The following KALRN variants were observed in gnomAD, a reference collection of about 807,000 sequenced individuals.
KALRN encodes the protein kalirin.
A neutral mutation model predicts 353.7 loss-of-function variants in KALRN; 70 were observed. That is an observed-to-expected ratio of 0.20 (90% confidence interval 0.16 to 0.24). The LOEUF (loss-of-function observed/expected upper bound fraction) is 0.24, where lower values mean the gene tolerates loss of function less well. Among genes scored for constraint, KALRN ranks in the 10% least tolerant of loss-of-function variants. KALRN has a pLI of 1.00. For synonymous variants in KALRN, 1,391 were observed against 1,434.8 expected, an observed-to-expected ratio of 0.97 and a Z score of 0.69; for missense variants, 2,791 against 3,756.7, an observed-to-expected ratio of 0.74 and a Z score of 6.72.
chr3:124,379,238 A>G (rs928412322), intron 10 of KALRN, among the ~76,000 whole-genome samples: 3 of 152,056 alleles, frequency 2.0e-5, no homozygotes, highest in Admixed American at 2.0e-4. Context: ...TTTTTTAAAA[A>G]TTTTTTTATT....
intron 19 of KALRN, among the ~76,000 whole-genome samples, chr3:124,443,242 C>G (rs1424112142): frequency 6.6e-6 from 1 of 152,112 alleles, no homozygotes; most frequent in African/African-American, 2.4e-5. Context: ...AGAAATTAGC[C>G]TTTGAGTGAG....
intron 1 of KALRN, among the ~76,000 whole-genome samples, chr3:124,095,625 T>C (rs981602718): frequency 2.0e-5 from 3 of 152,230 alleles, no homozygotes; most frequent in Admixed American, 6.5e-5. Context: ...AAATCAGTTT[T>C]ATTTCTCAGG....
chr3:124,670,660 C>A (rs1347456151), intron 47 of KALRN, among the ~76,000 whole-genome samples: 1 of 152,202 alleles, frequency 6.6e-6, no homozygotes, highest in Admixed American at 6.5e-5. Flanking sequence ...CAGCTGTTAA[C>A]CCACTTAAAT....
chr3:124,374,866 C>T (rs954101099), intron 10 of KALRN, among the ~76,000 whole-genome samples: 6 of 152,210 alleles, frequency 3.9e-5, no homozygotes, highest in African/African-American at 1.2e-4. Context: ...CCAAACCTTG[C>T]AGCAGGCAGC....
At chr3:124,660,795 A>G in intron 43 of KALRN, 128 bp from the exon 44 acceptor site, 1 of 693,386 alleles carries the variant, frequency 1.4e-6, no homozygotes, top group East Asian at 2.6e-5. Context: ...GCTACTCTAC[A>G]CCATTGCCAC....
chr3:124,643,526 G>C (rs1264560529), intron 37 of KALRN, among the ~76,000 whole-genome samples: 1 of 152,190 alleles, frequency 6.6e-6, no homozygotes. Context: ...CTGTCGCCCA[G>C]ACTGGAGTGC....
chr3:124,134,565 A>G (rs1192137449), intron 1 of KALRN, among the ~76,000 whole-genome samples: 1 of 152,242 alleles, frequency 6.6e-6, no homozygotes, highest in Non-Finnish European at 1.5e-5. Context: ...TGGCAAAAGG[A>G]ACAGTCAGCA....
At chr3:124,260,022 T>C (rs1334253005) in intron 3 of KALRN, among the ~76,000 whole-genome samples, 1 of 152,148 alleles carries the variant, frequency 6.6e-6, no homozygotes, top group Non-Finnish European at 1.5e-5. Flanking sequence ...TACCCTTCAG[T>C]GCCTTTAGGA....
intron 50 of KALRN, 77 bp downstream of exon 50, chr3:124,678,390 G>T (rs962180251): frequency 4.1e-5 from 63 of 1,519,166 alleles, no homozygotes; most frequent in Admixed American, 3.9e-4. Context: ...AGCCAATTTG[G>T]GTGGATGGGT....
At chr3:124,122,822 G>T (rs991724696) in intron 1 of KALRN, among the ~76,000 whole-genome samples, 1 of 152,146 alleles carries the variant, frequency 6.6e-6, no homozygotes, top group Admixed American at 6.6e-5. Flanking sequence ...TGGCCTCTAA[G>T]TGTTCAAGTG....
intron 24 of KALRN, 94 bp from the exon 25 acceptor site, chr3:124,462,430 G>A (rs2059941289): frequency 1.4e-6 from 1 of 709,976 alleles, no homozygotes; most frequent in Admixed American, 2.3e-5. Flanking sequence ...TACAGTTTGA[G>A]TCTTGCCCCA....
At chr3:124,618,705 A>G (rs1308375645) in intron 34 of KALRN, among the ~76,000 whole-genome samples, 2 of 152,128 alleles carry the variant, frequency 1.3e-5, no homozygotes, top group Non-Finnish European at 2.9e-5. Flanking sequence ...GCCCTGATTT[A>G]TGGGGAAATT....
chr3:124,592,108 C>A (rs2075837689), intron 34 of KALRN, among the ~76,000 whole-genome samples: 1 of 152,034 alleles, frequency 6.6e-6, no homozygotes, highest in Non-Finnish European at 1.5e-5. Context: ...CAAGACCAGC[C>A]TGGCCAACAT....
intron 48 of KALRN, among the ~76,000 whole-genome samples, chr3:124,672,621 G>A (rs921008377): frequency 8.5e-5 from 13 of 152,146 alleles, no homozygotes; most frequent in African/African-American, 3.1e-4. Flanking sequence ...GTTTGTCGTC[G>A]ATAATCCACA....
intron 1 of KALRN, among the ~76,000 whole-genome samples, chr3:124,077,289 G>T (rs1466423131): frequency 6.6e-6 from 1 of 152,220 alleles, no homozygotes; most frequent in Non-Finnish European, 1.5e-5. Flanking sequence ...CCCCAGATGG[G>T]TGGGAAGGCT....
In KALRN at chr3:124,723,400, G is replaced by A. The variant is rs1333508645; in HGVS notation, c.*3930G>A. ...CCCCAAATGTCCCCATTGGTAAAAT[G>A]GGAGTTGGGGGATGGGGAAGGAGGG... is the stretch of plus-strand genomic sequence containing the variant. On this transcript the variant is annotated 3_prime_UTR_variant, in exon 60 of 60. Coordinates refer to ENST00000682506, the MANE Select transcript of KALRN (RefSeq NM_001388419.1). 1 of 152,188 alleles carries A rather than the reference G, an allele frequency of 6.6e-6. No homozygotes were observed. Among genetic ancestry groups the A allele is most frequent in the Non-Finnish European group, 1.5e-5 (1 of 68,026 alleles). The allele number at this position is 152,188 out of a possible 1,614,324, so 9.4% of individuals were successfully genotyped here.
At chr3:124,035,215 A>G (rs2039306121) in intron 1 of KALRN, among the ~76,000 whole-genome samples, 1 of 150,220 alleles carries the variant, frequency 6.7e-6, no homozygotes, top group Admixed American at 6.6e-5. Context: ...CATGGATTCT[A>G]TTTTCTTTCT....
At chr3:124,410,723 G>C (rs578218627) in intron 13 of KALRN, among the ~76,000 whole-genome samples, 1 of 152,272 alleles carries the variant, frequency 6.6e-6, no homozygotes, top group African/African-American at 2.4e-5. Flanking sequence ...AGAGCAACCG[G>C]AACTTGAATA....
chr3:124,595,658 A>T (rs1421443037), intron 34 of KALRN, among the ~76,000 whole-genome samples: 1 of 152,164 alleles, frequency 6.6e-6, no homozygotes. Flanking sequence ...GGGTGTCTGG[A>T]ATTACAAGAA....
Sources: gnomAD v4.1 joint callset for allele counts (sites outside exome capture counted in the v4.1 genomes callset) on GRCh38, gnomAD v4.1.1 for gene constraint, MANE v1.5 for transcripts, NCBI Gene and HGNC (gene_info 2026-07-23, HGNC 2026-07-21) for gene names.